The following SHROOM3 variants were observed in gnomAD, a reference collection of about 807,000 sequenced individuals.
SHROOM3 encodes shroom family member 3, also known as protein Shroom3.
Under a neutral mutation model 138.6 loss-of-function variants are expected in SHROOM3, and 47 were observed. The observed-to-expected ratio is 0.34, with a 90% CI of 0.27 to 0.43. The LOEUF (loss-of-function observed/expected upper bound fraction) is 0.43. Among genes scored for constraint, SHROOM3 ranks in the 20% least tolerant of loss-of-function variants. The pLI, the probability that SHROOM3 is intolerant of heterozygous loss-of-function variation, is 1.00. For missense variants in SHROOM3, 2,491 were observed against 2,596.5 expected (o/e 0.96, Z 0.88); for synonymous variants, 1,062 against 1,063.3 (o/e 1.00, Z 0.02).
intron 1 of SHROOM3, among the ~76,000 whole-genome samples, chr4:76,450,174 C>T (rs958591744): frequency 6.6e-6 from 1 of 152,174 alleles, no homozygotes; most frequent in African/African-American, 2.4e-5. Flanking sequence ...CCTCTCCTTC[C>T]ATCTCCCAAG....
intron 3 of SHROOM3, among the ~76,000 whole-genome samples, chr4:76,722,757 T>G (rs1398469175): frequency 6.6e-6 from 1 of 152,190 alleles, no homozygotes; most frequent in African/African-American, 2.4e-5. Context: ...TTTAATTTAA[T>G]AGACCTAATT....
intron 2 of SHROOM3, among the ~76,000 whole-genome samples, chr4:76,625,301 C>T (rs929723173): frequency 5.3e-5 from 8 of 152,166 alleles, no homozygotes; most frequent in Non-Finnish European, 1.0e-4. Flanking sequence ...AAATTTTTTA[C>T]CTAACCCCAA....
chr4:76,471,175 T>C (rs1476998363), intron 1 of SHROOM3, among the ~76,000 whole-genome samples: 1 of 152,190 alleles, frequency 6.6e-6, no homozygotes, highest in African/African-American at 2.4e-5. Flanking sequence ...AAAATGTATG[T>C]CTTTTTATGG....
intron 5 of SHROOM3, 76 bp downstream of exon 5, chr4:76,742,002 C>T (rs144962959): frequency 3.4e-5 from 53 of 1,543,040 alleles, no homozygotes; most frequent in East Asian, 3.0e-4. Flanking sequence ...CCCCAACCCC[C>T]CACACTCTCA....
At chr4:76,634,857 C>T (rs1361703669) in intron 2 of SHROOM3, among the ~76,000 whole-genome samples, 5 of 152,178 alleles carry the variant, frequency 3.3e-5, no homozygotes, top group Non-Finnish European at 5.9e-5. Flanking sequence ...AGCACATACA[C>T]ACACTCTAAA....
intron 2 of SHROOM3, among the ~76,000 whole-genome samples, chr4:76,614,027 T>TTTTTG (rs1460992837): frequency 7.7e-6 from 1 of 130,664 alleles, no homozygotes; most frequent in Non-Finnish European, 1.6e-5. Context: ...CCTTTTTCGT[T>TTTTTG]TTTTGTTTTG....
At chr4:76,561,520 C>G (rs1733595432) in intron 2 of SHROOM3, among the ~76,000 whole-genome samples, 1 of 151,722 alleles carries the variant, frequency 6.6e-6, no homozygotes, top group Non-Finnish European at 1.5e-5. Flanking sequence ...GGAAATGCAT[C>G]CAAAAATAGG....
intron 1 of SHROOM3, among the ~76,000 whole-genome samples, chr4:76,456,030 C>G (rs1434183894): frequency 1.3e-5 from 2 of 152,026 alleles, no homozygotes; most frequent in Middle Eastern, 3.2e-3. Flanking sequence ...TTTTTTGAGA[C>G]AGAGTCTCAC....
chr4:76,519,213 A>G (rs1732511439), intron 1 of SHROOM3, among the ~76,000 whole-genome samples: 2 of 152,124 alleles, frequency 1.3e-5, no homozygotes, highest in Non-Finnish European at 1.5e-5. Flanking sequence ...ATTCCCTTAA[A>G]GGAGGGATGC....
intron 3 of SHROOM3, among the ~76,000 whole-genome samples, chr4:76,726,970 C>T (rs191158179): frequency 1.2e-4 from 18 of 152,250 alleles, no homozygotes; most frequent in African/African-American, 3.9e-4. Context: ...ACTGAAGAGC[C>T]GTCCTTAGTG....
In SHROOM3 at chr4:76,740,356, G is replaced by A. The variant is rs769938850; in HGVS notation, c.2183G>A (p.Arg728Lys). Residue 728 changes from arginine (R) to lysine (K), a missense_variant, in exon 5 of 11, where the codon AGG (arginine) becomes AAG (lysine). Arg to Lys is a conservative substitution (Grantham distance 26). Transcript: ENST00000296043. This position sits in a 1 kb window ranked among gnomAD's most constrained non-coding sequence, Gnocchi z 4.0. ...GTTTCCTACCCGCGGCCCGAGGGGAGGACCGGTGCCTCGGCTTCTTTCAAC... is the reference window on the plus strand; with the variant it reads ...GTTTCCTACCCGCGGCCCGAGGGGAAGACCGGTGCCTCGGCTTCTTTCAAC... ...RQVSYPRPEG[R>K]TGASASFNST... The A allele has an allele frequency of 1.2e-5, 20 of 1,613,104 alleles. No homozygotes were observed. Among genetic ancestry groups the A allele is most frequent in the Non-Finnish European group, 1.7e-5 (20 of 1,180,026 alleles).
intron 1 of SHROOM3, among the ~76,000 whole-genome samples, chr4:76,466,755 G>A (rs1731256606): frequency 2.6e-5 from 4 of 151,852 alleles, no homozygotes; most frequent in Admixed American, 1.3e-4. Context: ...CAAGAACAAC[G>A]ACAAAAACCA....
intron 1 of SHROOM3, among the ~76,000 whole-genome samples, chr4:76,478,198 C>G (rs1467109889): frequency 6.6e-6 from 1 of 152,216 alleles, no homozygotes; most frequent in African/African-American, 2.4e-5. Flanking sequence ...ATCCCACCCC[C>G]ATGGAGCCCA....
At chr4:76,560,650 T>C (rs1733579435) in intron 2 of SHROOM3, among the ~76,000 whole-genome samples, 1 of 152,228 alleles carries the variant, frequency 6.6e-6, no homozygotes, top group South Asian at 2.1e-4. Flanking sequence ...CTCCTAAATT[T>C]GTTGTAAGTG....
intron 1 of SHROOM3, among the ~76,000 whole-genome samples, chr4:76,517,919 G>A (rs73826207): frequency 0.16 from 24,787 of 152,158 alleles, 2,324 homozygotes; most frequent in African/African-American, 0.24. Context: ...CTGCAGCAGA[G>A]CAAGGGCTGC....
intron 2 of SHROOM3, among the ~76,000 whole-genome samples, chr4:76,563,944 C>G (rs1733648082): frequency 6.6e-6 from 1 of 152,166 alleles, no homozygotes; most frequent in South Asian, 2.1e-4. Flanking sequence ...GCAGTGTGTC[C>G]CCACCACGTG....
At chr4:76,500,675 T>C (rs1341418775) in intron 1 of SHROOM3, among the ~76,000 whole-genome samples, 1 of 152,210 alleles carries the variant, frequency 6.6e-6, no homozygotes, top group Admixed American at 6.5e-5. Context: ...GTATCTCATT[T>C]GTGATTTCAG....
Position 76,577,002 on chromosome 4 carries a change from C to T in SHROOM3, c.323+21239C>T, listed in dbSNP as rs181408662. Among the ~76,000 whole-genome samples the T allele has an allele frequency of 2.0e-3, 311 of 152,138 alleles. 1 individual carries two copies. Among genetic ancestry groups the T allele is most frequent in the Non-Finnish European group, 3.0e-3 (204 of 67,986 alleles). On this transcript the variant is annotated intron_variant, in intron 2 of 10. Transcript: ENST00000296043. ...CCAACTCAGCTGATTATTCATTGAA[C>T]GTAATCCTGGAGGTTAGGGTTCAGA...
At chr4:76,485,637 G>C (rs1274556170) in intron 1 of SHROOM3, among the ~76,000 whole-genome samples, 2 of 152,128 alleles carry the variant, frequency 1.3e-5, no homozygotes, top group Admixed American at 6.5e-5. Context: ...ACAGAATGTT[G>C]GCTGGGCTGT....
Sources: gnomAD v4.1 joint callset for allele counts (sites outside exome capture counted in the v4.1 genomes callset) on GRCh38, gnomAD v4.1.1 for gene constraint, Gnocchi (gnomAD v3.1) non-coding constraint, MANE v1.5 for transcripts, NCBI Gene and HGNC (gene_info 2026-07-23, HGNC 2026-07-21) for gene names.